HECTD3: variants seen among roughly 807,000 people sequenced by gnomAD.
The protein encoded by HECTD3 is HECT domain E3 ubiquitin protein ligase 3.
HECTD3 carries 72 observed loss-of-function variants against 109.3 expected under a neutral mutation model. The ratio of observed to expected loss-of-function variants is 0.66; its 90% CI spans 0.54 to 0.80. The LOEUF (loss-of-function observed/expected upper bound fraction) is 0.80, where lower values mean the gene tolerates loss of function less well. HECTD3 is among the 30% of genes least tolerant of loss of function. The pLI is 0.00. For missense variants in HECTD3, 1,041 were observed against 1,165.2 expected (o/e 0.89, Z 1.55); for synonymous variants, 481 against 471.8 (o/e 1.02, Z -0.25).
At position 45,009,977 on chromosome 1, in the gene HECTD3, A is replaced by G; in HGVS notation, c.759+9T>C. ...TCTTGCCTGGGGTGGGAGGAGCCCC[A>G]GCACCCACCGTGTAGGAGGAAACGT... On this transcript the variant is annotated intron_variant, in intron 4 of 20. Coordinates refer to ENST00000372172, the MANE Select transcript of HECTD3 (RefSeq NM_024602.6). 6.6e-7 allele frequency: 1 copy of G among 1,524,044 alleles called. No individual in the cohort carries two copies. Among genetic ancestry groups the G allele is most frequent in the Non-Finnish European group, 8.8e-7 (1 of 1,134,520 alleles). 94.4% of individuals were successfully genotyped at this position (1,524,044 alleles called of 1,614,324 possible).
chr1:45,004,981 C>T, intron 15 of HECTD3, 175 bp from the exon 16 acceptor site: 1 of 645,578 alleles, frequency 1.5e-6, no homozygotes, highest in East Asian at 2.7e-5. Context: ...AACACCTAAC[C>T]AGCCTTGGAG....
intron 6 of HECTD3, 46 bp from the exon 7 acceptor site, chr1:45,009,272 C>G (rs370033141): frequency 1.3e-6 from 2 of 1,551,000 alleles, no homozygotes; most frequent in Non-Finnish European, 1.8e-6. Flanking sequence ...CTGCCTCAGG[C>G]CTTCAGAGAC....
intron 11 of HECTD3, 79 bp downstream of exon 11, chr1:45,007,139 TG>T: frequency 7.2e-7 from 1 of 1,393,444 alleles, no homozygotes; most frequent in Non-Finnish European, 1.0e-6. Flanking sequence ...TGTGTGTGTG[TG>T]TGTGTGTGTG....
chr1:45,010,523 C>CAGAAGTG (rs1417970247), intron 2 of HECTD3, 23 bp downstream of exon 2: 19 of 1,612,934 alleles, frequency 1.2e-5, no homozygotes, highest in Admixed American at 6.7e-5. Context: ...TGACAGCCAG[C>CAGAAGTG]CCCGCTCCTT....
chr1:45,010,092 C>A lies in HECTD3; in HGVS notation c.653G>T (p.Cys218Phe), dbSNP rs771392195. The A allele has an allele frequency of 4.4e-6, 7 of 1,598,150 alleles. No individual in the cohort carries two copies. Among genetic ancestry groups the A allele is most frequent in the Non-Finnish European group, 6.0e-6 (7 of 1,169,086 alleles). ...CAAGAAGTGGATCAGGTCCTCGTCGCACTCGTAGGTCCATGTCGGGGGTAC... is the reference window on the plus strand; with the variant it reads ...CAAGAAGTGGATCAGGTCCTCGTCGAACTCGTAGGTCCATGTCGGGGGTAC... ...LYVPPTWTYE[C>F]DEDLIHFLYD... Residue 218 changes from cysteine to phenylalanine, a missense_variant, in exon 4 of 21, where the codon TGC (cysteine) becomes TTC (phenylalanine). This residue lies in a region of HECTD3 where 472 missense variants were observed against 449.9 expected (regional missense o/e 1.05). Transcript: ENST00000372172.
chr1:45,010,506 G>A, intron 2 of HECTD3, 40 bp downstream of exon 2: 3 of 1,611,178 alleles, frequency 1.9e-6, no homozygotes, highest in Non-Finnish European at 2.5e-6. Context: ...CTCCTGGCCC[G>A]GCCTTCTGAC....
Position 45,002,572 on chromosome 1 carries a change from T to G in HECTD3, c.*920A>C, listed in dbSNP as rs943476936. On this transcript the variant is annotated 3_prime_UTR_variant, in exon 21 of 21. Transcript: ENST00000372172. ...ATGAATTCATCCATTTATTCAACTT[T>G]CCGGTATGCAAGAACTTCTTTTCAT... 8.5e-5 allele frequency: 13 copies of G among 152,226 alleles called. No homozygotes were observed. The highest frequency in any genetic ancestry group is 2.4e-4 in the African/African-American group (10 of 41,442). The allele number at this position is 152,226 out of a possible 1,614,324, so 9.4% of individuals were successfully genotyped here.
Position 45,003,649 on chromosome 1 carries a change from G to A in HECTD3, c.2501+20C>T, listed in dbSNP as rs1345827471. ...GATGGGGTCCCCTGGGCCCCAAATCGAGCCTAGGAAAAAACCCACCTGGCA... is the reference window on the plus strand; with the variant it reads ...GATGGGGTCCCCTGGGCCCCAAATCAAGCCTAGGAAAAAACCCACCTGGCA... On this transcript the variant is annotated intron_variant, in intron 20 of 20. Coordinates refer to ENST00000372172, the MANE Select transcript of HECTD3 (RefSeq NM_024602.6). This position sits in a 1 kb window ranked among gnomAD's most constrained non-coding sequence, Gnocchi z 4.7. 8.7e-6 allele frequency: 14 copies of A among 1,614,042 alleles called. No individual in the cohort carries two copies. The highest frequency in any genetic ancestry group is 1.7e-5 in the Admixed American group (1 of 60,020).
chr1:45,009,032 G>C, intron 7 of HECTD3, 112 bp downstream of exon 7: 2 of 884,124 alleles, frequency 2.3e-6, no homozygotes, highest in Non-Finnish European at 3.7e-6. Flanking sequence ...AGTTAGTTCA[G>C]CATCGCCTTC....
chr1:45,010,205 G>A lies in HECTD3; in HGVS notation c.619C>T (p.Leu207=), dbSNP rs1197527690. Residue 207 remains leucine, a synonymous_variant, in exon 3 of 21, where the codon CTA becomes TTA. Coordinates refer to ENST00000372172, the MANE Select transcript of HECTD3 (RefSeq NM_024602.6). ...ACCCCATTCCAGCTCACTCACAGTA[G>A]CCTTTGTACAGCTTCTGCGTATGCC... ...AEAYAEAVQR[L]LYVPPTWTYE... is the part of the protein sequence containing the mutation. 3.7e-6 allele frequency: 6 copies of A among 1,613,850 alleles called. No individual in the cohort carries two copies. The African/African-American group carries it at 5.3e-5, about 14-fold the overall frequency.
In HECTD3 at chr1:45,007,319, A is replaced by G. The variant is rs145813422; in HGVS notation, c.1504-48T>C. On this transcript the variant is annotated intron_variant, in intron 10 of 20. Coordinates refer to ENST00000372172, the MANE Select transcript of HECTD3 (RefSeq NM_024602.6). ...TCATAGGAAAGCAAGACCTGGCCCT[A>G]TACTTGCCCCAAGAACTTGTTCAGG... 350 of 1,604,186 alleles carry G rather than the reference A, an allele frequency of 2.2e-4. No individual in the cohort carries two copies. The African/African-American group carries it at 4.3e-3, about 20-fold the overall frequency.
rs1644713814 is a variant in HECTD3 at position 45,004,104 on chromosome 1, G to A, written c.2303C>T (p.Ser768Leu). The stretch of plus-strand genomic sequence containing the variant: ...TGCCTCCCAGAAATACTGCACCCGC[G>A]AGTCAGATGGCTCGAAGTCCTCAAA... The part of the protein sequence containing the change: ...TRFEDFEPSD[S>L]RVQYFWEALN... Residue 768 changes from serine to leucine, a missense_variant, in exon 18 of 21, where the codon TCG becomes TTG. Physicochemically the swap from Ser to Leu is moderately radical, Grantham distance 145. Transcript: ENST00000372172. The A allele has an allele frequency of 4.3e-6, 7 of 1,614,046 alleles. No individual in the cohort carries two copies. Among genetic ancestry groups the A allele is most frequent in the East Asian group, 2.2e-5 (1 of 44,874 alleles).
Position 45,003,982 on chromosome 1 carries a change from G to A in HECTD3, c.2348-46C>T. 1.2e-6 allele frequency: 2 copies of A among 1,612,508 alleles called. No individual in the cohort carries two copies. Among genetic ancestry groups the A allele is most frequent in the Non-Finnish European group, 1.7e-6 (2 of 1,178,656 alleles). On this transcript the variant is annotated intron_variant, in intron 18 of 20. Coordinates refer to ENST00000372172, the MANE Select transcript of HECTD3 (RefSeq NM_024602.6). The surrounding 1 kb of genome is among the most constrained non-coding windows in gnomAD (Gnocchi z 4.7). Reference sequence around the variant, plus strand: ...GTGCCTGCATGGATGGTGAGGGAGGGTCTACAACTTCTACCCTGCCTCTGC... The same window carrying A: ...GTGCCTGCATGGATGGTGAGGGAGGATCTACAACTTCTACCCTGCCTCTGC...
Position 45,006,275 on chromosome 1 carries a change from T to G in HECTD3, c.1726-159A>C, listed in dbSNP as rs903560731. 31 of 869,332 alleles carry G rather than the reference T, an allele frequency of 3.6e-5. No individual in the cohort carries two copies. Among genetic ancestry groups the G allele is most frequent in the Admixed American group, 5.2e-5 (2 of 38,660 alleles). 53.9% of individuals were successfully genotyped at this position (869,332 alleles called of 1,614,324 possible). A position where few individuals can be genotyped will look rare whatever the true frequency, so the allele number is the denominator to read the frequency against. Reference sequence around the variant, plus strand: ...CTCCCTGTCTGCCCAGAGGTTGCCCTGAGCAACTCAGTCCCTCCTCTGCCC... The same window carrying G: ...CTCCCTGTCTGCCCAGAGGTTGCCCGGAGCAACTCAGTCCCTCCTCTGCCC... On this transcript the variant is annotated intron_variant, in intron 13 of 20. Coordinates refer to ENST00000372172, the MANE Select transcript of HECTD3 (RefSeq NM_024602.6). This position sits in a 1 kb window ranked among gnomAD's most constrained non-coding sequence, Gnocchi z 4.7.
At position 45,004,256 on chromosome 1, in the gene HECTD3, C is replaced by T. The variant is rs769456782; in HGVS notation, c.2264G>A (p.Arg755His). 4.4e-5 allele frequency: 71 copies of T among 1,613,886 alleles called. No homozygotes were observed. Among genetic ancestry groups the T allele is most frequent in the Non-Finnish European group, 5.4e-5 (64 of 1,179,890 alleles). Residue 755 changes from arginine to histidine, a missense_variant, in exon 17 of 21, where the codon CGC becomes CAC. By Grantham distance (29) the Arg-to-His change is conservative (BLOSUM62 0). Around this residue, in one of 2 missense-constraint regions of HECTD3, gnomAD observed 569 missense variants for 715.3 expected, o/e 0.80. Transcript: ENST00000372172. ...GDPEVTVDAL[R>H]KLTRFEDFEP... is the part of the protein sequence containing the mutation. ...TGCCTTGGGGAACTCACTGAGCTTG[C>T]GCAGAGCATCCACAGTGACCTCTGG...
rs529257320 is a variant in HECTD3, at chr1:45,004,563, G to A, written c.2142+37C>T. 2.5e-5 allele frequency: 40 copies of A among 1,610,320 alleles called. No homozygotes were observed. In the Middle Eastern group the frequency reaches 5.7e-4, roughly 23 times the overall value. ...TCCCAGGAGCTGGGGCTCAGGAGGGGCCAAAGCTCTCTGCTCTACTAGCCT... is the reference window on the plus strand; with the variant it reads ...TCCCAGGAGCTGGGGCTCAGGAGGGACCAAAGCTCTCTGCTCTACTAGCCT... On this transcript the variant is annotated intron_variant, in intron 16 of 20. Coordinates refer to ENST00000372172, the MANE Select transcript of HECTD3 (RefSeq NM_024602.6).
chr1:45,010,179 C>G (rs1644772274), intron 3 of HECTD3, 22 bp downstream of exon 3: 1 of 1,613,986 alleles, frequency 6.2e-7, no homozygotes, highest in Non-Finnish European at 8.5e-7. Context: ...CCTTCCTCCC[C>G]ACCCCATTCC....
At position 45,006,248 on chromosome 1, in the gene HECTD3, C is replaced by T. The variant is rs1644734184; in HGVS notation, c.1726-132G>A. 7 of 1,151,868 alleles carry T rather than the reference C, an allele frequency of 6.1e-6. No homozygotes were observed. Among genetic ancestry groups the T allele is most frequent in the Non-Finnish European group, 8.7e-6 (7 of 800,516 alleles). 71.4% of individuals were successfully genotyped at this position (1,151,868 alleles called of 1,614,324 possible). On this transcript the variant is annotated intron_variant, in intron 13 of 20. Coordinates refer to ENST00000372172, the MANE Select transcript of HECTD3 (RefSeq NM_024602.6). The surrounding 1 kb of genome is among the most constrained non-coding windows in gnomAD (Gnocchi z 4.7). ...CCCTTCAAATGCACAGTGGCTCCTCCTCTCCCTGTCTGCCCAGAGGTTGCC... is the reference window on the plus strand; with the variant it reads ...CCCTTCAAATGCACAGTGGCTCCTCTTCTCCCTGTCTGCCCAGAGGTTGCC...
rs1644744536 is a variant in HECTD3 at position 45,007,256 on chromosome 1, T to C, written c.1519A>G (p.Lys507Glu). The C allele has an allele frequency of 6.2e-7, 1 of 1,613,464 alleles. No homozygotes were observed. Among genetic ancestry groups the C allele is most frequent in the African/African-American group, 1.3e-5 (1 of 74,876 alleles). Residue 507 changes from lysine to glutamate, a missense_variant, in exon 11 of 21, where the codon AAG (lysine) becomes GAG (glutamate). By Grantham distance (56) the Lys-to-Glu change is moderately conservative. Coordinates refer to ENST00000372172, the MANE Select transcript of HECTD3 (RefSeq NM_024602.6). ...AVFTQVYEGLKPSDKYEKPLD... is the reference protein window; with the variant it reads ...AVFTQVYEGLEPSDKYEKPLD... Reference sequence around the variant, plus strand: ...GGCTTTTCATATTTGTCAGAGGGCTTGAGGCCTTCATATACCTGGAGGCAA... The same window carrying C: ...GGCTTTTCATATTTGTCAGAGGGCTCGAGGCCTTCATATACCTGGAGGCAA...
Sources: allele counts gnomAD v4.1 joint callset, GRCh38; gene constraint gnomAD v4.1.1; regional missense constraint gnomAD v4.1.1; non-coding constraint Gnocchi (gnomAD v3.1); transcripts MANE v1.5; gene names NCBI Gene and HGNC (gene_info 2026-07-23, HGNC 2026-07-21).